The following APBA2 variants were observed in gnomAD, a reference collection of about 807,000 sequenced individuals.
APBA2 encodes amyloid-beta A4 precursor protein-binding family A member 2.
A neutral mutation model predicts 75.0 loss-of-function variants in APBA2; 30 were observed. The observed-to-expected ratio is 0.40, with a 90% CI of 0.30 to 0.54. The LOEUF (loss-of-function observed/expected upper bound fraction) is 0.54. Ranked by LOEUF, APBA2 falls within the 20% of genes least tolerant of loss-of-function variation. The pLI, the probability that APBA2 is intolerant of heterozygous loss-of-function variation, is 0.49. For missense variants in APBA2, 801 were observed against 1,016.1 expected, an observed-to-expected ratio of 0.79 and a Z score of 2.88; for synonymous variants, 444 against 409.6, an observed-to-expected ratio of 1.08 and a Z score of -1.01.
intron 4 of APBA2, among the ~76,000 whole-genome samples, chr15:29,061,149 T>C (rs2042114734): frequency 6.6e-6 from 1 of 152,190 alleles, no homozygotes; most frequent in South Asian, 2.1e-4. Flanking sequence ...GATGGCATGT[T>C]CTCTGGATGC....
intron 4 of APBA2, among the ~76,000 whole-genome samples, chr15:29,070,107 C>T (rs1037662947): frequency 4.6e-5 from 7 of 151,902 alleles, no homozygotes; most frequent in South Asian, 2.1e-4. Flanking sequence ...CAGTTACATT[C>T]GAATTTAGAC....
chr15:28,971,565 A>C (rs2152752700), intron 2 of APBA2, among the ~76,000 whole-genome samples: 1 of 152,336 alleles, frequency 6.6e-6, no homozygotes, highest in East Asian at 1.9e-4. Flanking sequence ...ATGGGATGGG[A>C]GAGTCTGCTC....
At chr15:28,919,808 C>A (rs1440152040) in intron 1 of APBA2, among the ~76,000 whole-genome samples, 2 of 152,184 alleles carry the variant, frequency 1.3e-5, no homozygotes, top group Non-Finnish European at 2.9e-5. Flanking sequence ...ATGTGATAAC[C>A]CCCTCCTCAG....
chr15:29,021,309 A>G (rs978718672), intron 3 of APBA2, among the ~76,000 whole-genome samples: 1 of 152,152 alleles, frequency 6.6e-6, no homozygotes, highest in African/African-American at 2.4e-5. Context: ...CGGGCGGATC[A>G]CCTGAGGTCA....
At chr15:29,051,296 C>T (rs977695382) in intron 3 of APBA2, among the ~76,000 whole-genome samples, 15 of 152,148 alleles carry the variant, frequency 9.9e-5, no homozygotes, top group African/African-American at 3.6e-4. Context: ...ATTGTCCTGC[C>T]AGTTTCAGGG....
chr15:29,040,285 A>C (rs535851808), intron 3 of APBA2, among the ~76,000 whole-genome samples: 49 of 152,304 alleles, frequency 3.2e-4, no homozygotes, highest in African/African-American at 1.2e-3. Flanking sequence ...CTGCAGTTGC[A>C]AGAAACTGTG....
intron 3 of APBA2, among the ~76,000 whole-genome samples, chr15:29,050,320 A>G (rs1406864623): frequency 2.6e-5 from 4 of 152,262 alleles, no homozygotes; most frequent in Non-Finnish European, 5.9e-5. Context: ...TTTTATAGAT[A>G]CAAAAGAGTT....
At chr15:29,042,983 C>G (rs971318865) in intron 3 of APBA2, among the ~76,000 whole-genome samples, 25 of 152,162 alleles carry the variant, frequency 1.6e-4, no homozygotes, top group African/African-American at 4.8e-4. Flanking sequence ...CATCCAGGAG[C>G]AAACATGACA....
At chr15:28,926,517 A>G (rs11073299) in intron 2 of APBA2, among the ~76,000 whole-genome samples, 5,628 of 152,230 alleles carry the variant, frequency 0.037, 265 homozygotes, top group East Asian at 0.21. Flanking sequence ...ATCATACAGT[A>G]TATCGTTACC....
chr15:28,958,444 A>G (rs1566842558), intron 2 of APBA2, among the ~76,000 whole-genome samples: 1 of 152,250 alleles, frequency 6.6e-6, no homozygotes, highest in Non-Finnish European at 1.5e-5. Flanking sequence ...ATAGGTGAAG[A>G]TGAAAGTGTA....
intron 3 of APBA2, among the ~76,000 whole-genome samples, chr15:29,018,569 G>A (rs535063065): frequency 6.6e-6 from 1 of 152,314 alleles, no homozygotes; most frequent in South Asian, 2.1e-4. Flanking sequence ...GTGCAGAGCA[G>A]GATCCAGGAG....
intron 3 of APBA2, among the ~76,000 whole-genome samples, chr15:29,020,697 C>T (rs2039908848): frequency 6.6e-6 from 1 of 151,986 alleles, no homozygotes; most frequent in African/African-American, 2.4e-5. Context: ...GTAATCCCAG[C>T]TACTCGGGAG....
chr15:28,994,338 A>G (rs2038393857), intron 2 of APBA2, among the ~76,000 whole-genome samples: 2 of 152,134 alleles, frequency 1.3e-5, no homozygotes, highest in Non-Finnish European at 2.9e-5. Context: ...TGTGATTGAC[A>G]TGCTTTTTGT....
chr15:29,069,287 G>A (rs530555605), intron 4 of APBA2, among the ~76,000 whole-genome samples: 11 of 152,238 alleles, frequency 7.2e-5, no homozygotes, highest in Middle Eastern at 3.4e-3. Context: ...TGTTTCTACC[G>A]CATGATTAAT....
chr15:29,093,144 C>T lies in APBA2; in HGVS notation c.1139C>T (p.Thr380Ile), dbSNP rs2043663351. 3.1e-6 allele frequency: 5 copies of T among 1,614,256 alleles called. No homozygotes were observed. Among genetic ancestry groups the T allele is most frequent in the Non-Finnish European group, 4.2e-6 (5 of 1,180,046 alleles). ...TTTGCTGCCAATTACCTGGGGTCCA[C>T]CCAGCTGCTATCAGAACGGAACCCT... ...IIFAANYLGS[T>I]QLLSERNPSK... Residue 380 changes from threonine to isoleucine, a missense_variant, in exon 7 of 15, where the codon ACC (threonine) becomes ATC (isoleucine). This residue lies in a region of APBA2 where 367 missense variants were observed against 544.5 expected (regional missense o/e 0.67). Transcript: ENST00000683413.
At chr15:29,073,475 C>T (rs1281296707) in intron 4 of APBA2, among the ~76,000 whole-genome samples, 5 of 152,138 alleles carry the variant, frequency 3.3e-5, no homozygotes, top group Non-Finnish European at 5.9e-5. Flanking sequence ...CTCAGCCTCC[C>T]GTGTAGCTGG....
At chr15:29,043,919 A>G (rs528052437) in intron 3 of APBA2, among the ~76,000 whole-genome samples, 10 of 152,288 alleles carry the variant, frequency 6.6e-5, no homozygotes, top group Non-Finnish European at 7.3e-5. Context: ...TTATTCGGTG[A>G]CTTTTGTCTG....
intron 2 of APBA2, among the ~76,000 whole-genome samples, chr15:28,957,222 G>A (rs1474180831): frequency 3.4e-5 from 5 of 148,348 alleles, no homozygotes; most frequent in African/African-American, 1.3e-4. Flanking sequence ...ACAGGCGCCC[G>A]CCACCGTGCC....
intron 3 of APBA2, among the ~76,000 whole-genome samples, chr15:29,026,073 A>C (rs983462822): frequency 6.6e-6 from 1 of 152,088 alleles, no homozygotes; most frequent in African/African-American, 2.4e-5. Context: ...AACTTTATGC[A>C]GTTTATTTAG....
Sources: gnomAD v4.1 joint callset for allele counts (sites outside exome capture counted in the v4.1 genomes callset) on GRCh38, gnomAD v4.1.1 for gene constraint, gnomAD v4.1.1 regional missense constraint, MANE v1.5 for transcripts, NCBI Gene and HGNC (gene_info 2026-07-23, HGNC 2026-07-21) for gene names.